Variants in TDRP observed in about 807,000 individuals in gnomAD.
TDRP encodes the protein testis development related protein.
TDRP carries 12 observed loss-of-function variants against 10.5 expected under a neutral mutation model. That is an observed-to-expected ratio of 1.15 (90% CI 0.73 to 1.86). The LOEUF (loss-of-function observed/expected upper bound fraction) is 1.86. Ranked by LOEUF, TDRP falls within the 40% of genes most tolerant of loss-of-function variation. The pLI is 0.00. For missense variants in TDRP, 353 were observed against 229.2 expected (o/e 1.54, Z -3.49); for synonymous variants, 139 against 95.4 (o/e 1.46, Z -2.67).
rs570878692 is a variant in TDRP, at chr8:524,772, G to C, written c.108+19878C>G. On this transcript the variant is annotated intron_variant, in intron 1 of 2. Coordinates refer to ENST00000324079, the MANE Select transcript of TDRP (RefSeq NM_001384899.1). The stretch of plus-strand genomic sequence containing the variant: ...AAATACACAGTCAGAGGAGACATGA[G>C]ACAAAAGAATAAAAAACAATGAGGC... Among the ~76,000 whole-genome samples, 3 of 152,268 alleles carry C rather than the reference G, an allele frequency of 2.0e-5. No individual in the cohort carries two copies. In the South Asian group the frequency reaches 6.2e-4, roughly 32 times the overall value.
intron 1 of TDRP, among the ~76,000 whole-genome samples, chr8:507,408 G>A (rs368480357): frequency 1.3e-5 from 2 of 152,098 alleles, no homozygotes. Context: ...TATCAAGCAG[G>A]GACCTCAAAC....
At chr8:529,908 G>C (rs1386600602) in intron 1 of TDRP, among the ~76,000 whole-genome samples, 2 of 152,000 alleles carry the variant, frequency 1.3e-5, no homozygotes, top group Non-Finnish European at 2.9e-5. Flanking sequence ...CTTGAATCTG[G>C]ATGTCCATTT....
rs150593941 is a variant in TDRP at position 535,924 on chromosome 8, T to A, written c.108+8726A>T. Among the ~76,000 whole-genome samples, 60 of 152,090 alleles carry A rather than the reference T, an allele frequency of 3.9e-4. 1 individual carries two copies. Among genetic ancestry groups the A allele is most frequent in the Middle Eastern group, 6.9e-3 (2 of 290 alleles). ...AGCTGGGCTCCACATTCAGTGACGT[T>A]CAGTTTTCAAGACAGTGACTGACTC... On this transcript the variant is annotated intron_variant, in intron 1 of 2. Transcript: ENST00000324079.
At chr8:545,767 G>T (rs933088173), upstream of TDRP, 1 of 151,952 alleles carries the variant, frequency 6.6e-6, no homozygotes, top group Non-Finnish European at 1.5e-5. Flanking sequence ...GGGCGCCGCG[G>T]GCTCGGCCCG....
At chr8:520,810 T>C (rs1029046955) in intron 1 of TDRP, among the ~76,000 whole-genome samples, 3 of 152,226 alleles carry the variant, frequency 2.0e-5, no homozygotes, top group Non-Finnish European at 2.9e-5. Flanking sequence ...TGTTTGGTCA[T>C]AGGAGTTCTT....
chr8:529,677 C>G (rs994482705), intron 1 of TDRP, among the ~76,000 whole-genome samples: 1 of 152,174 alleles, frequency 6.6e-6, no homozygotes, highest in Non-Finnish European at 1.5e-5. Flanking sequence ...TTTAACAACA[C>G]TTGAACTGTA....
intron 1 of TDRP, among the ~76,000 whole-genome samples, chr8:507,583 G>A (rs550223459): frequency 3.3e-5 from 5 of 152,298 alleles, no homozygotes; most frequent in African/African-American, 9.6e-5. Context: ...CATCATCCCA[G>A]GTAAGAGGGG....
chr8:490,023 C>T lies in TDRP; in HGVS notation c.*2376G>A, dbSNP rs1353736202. ...CCCTTCTCTGAAGCACATCACTTTCCTATTAAAAAATAAAAAAAGTACAGT... is the reference window on the plus strand; with the variant it reads ...CCCTTCTCTGAAGCACATCACTTTCTTATTAAAAAATAAAAAAAGTACAGT... On this transcript the variant is annotated 3_prime_UTR_variant, in exon 3 of 3. Coordinates refer to ENST00000324079, the MANE Select transcript of TDRP (RefSeq NM_001384899.1). 1 of 152,114 alleles carries T rather than the reference C, an allele frequency of 6.6e-6. No homozygotes were observed. Among genetic ancestry groups the T allele is most frequent in the Non-Finnish European group, 1.5e-5 (1 of 68,024 alleles). The allele number at this position is 152,114 out of a possible 1,614,324, so 9.4% of individuals were successfully genotyped here. A position where few individuals can be genotyped will look rare whatever the true frequency, so the allele number is the denominator to read the frequency against.
At chr8:496,390 C>T (rs1801136786) in intron 1 of TDRP, among the ~76,000 whole-genome samples, 1 of 152,208 alleles carries the variant, frequency 6.6e-6, no homozygotes. Flanking sequence ...CATGTGCAGT[C>T]ACTATGTGCC....
At position 541,590 on chromosome 8, in the gene TDRP, C is replaced by T. The variant is rs536230361; in HGVS notation, c.108+3060G>A. On this transcript the variant is annotated intron_variant, in intron 1 of 2. Transcript: ENST00000324079. The stretch of plus-strand genomic sequence containing the variant: ...AATCAAACCACCTAATTAAAAAATG[C>T]GGAGAAAGATCTAAACAGACACCTC... 2.6e-5 allele frequency among the ~76,000 whole-genome samples: 4 copies of T among 152,042 alleles called. No homozygotes were observed. The South Asian group carries it at 6.2e-4, about 24-fold the overall frequency.
At chr8:536,237 G>C (rs888939159) in intron 1 of TDRP, among the ~76,000 whole-genome samples, 35 of 152,166 alleles carry the variant, frequency 2.3e-4, no homozygotes, top group Admixed American at 2.3e-3. Flanking sequence ...CTAGCTAATT[G>C]CTTGAGGAAT....
Position 544,652 on chromosome 8 carries a change from G to A in TDRP, c.106C>T (p.Gln36Ter). ...TCCCCACCTGCGCACCCCCTCACCT[G>A]CGCCTGGGCGGCGGCGGCGGCGGCC... ...PPAAAAAAQA[Q>*]VQGASFRGWK... The change falls in exon 1 of 3, where the codon CAG becomes TAG. Residue 36 changes from glutamine (Q) to a stop codon, truncating the protein, a stop_gained and splice_region_variant. Coordinates refer to ENST00000324079, the MANE Select transcript of TDRP (RefSeq NM_001384899.1). LOFTEE classifies it high-confidence loss of function. 3.3e-6 allele frequency: 4 copies of A among 1,225,128 alleles called. No homozygotes were observed. The highest frequency in any genetic ancestry group is 4.1e-6 in the Non-Finnish European group (4 of 983,072). 75.9% of individuals were successfully genotyped at this position (1,225,128 alleles called of 1,614,324 possible). A position where few individuals can be genotyped will look rare whatever the true frequency, so the allele number is the denominator to read the frequency against.
At chr8:501,112 G>T (rs1801284558) in intron 1 of TDRP, among the ~76,000 whole-genome samples, 1 of 151,914 alleles carries the variant, frequency 6.6e-6, no homozygotes, top group African/African-American at 2.4e-5. Context: ...GGCTGAGGCA[G>T]GAGAATGGCG....
chr8:502,188 G>T (rs1801323013), intron 1 of TDRP, among the ~76,000 whole-genome samples: 1 of 152,226 alleles, frequency 6.6e-6, no homozygotes, highest in African/African-American at 2.4e-5. Context: ...GAACAGCTTA[G>T]TCTTCTTTCA....
chr8:516,080 CTGAA>C (rs1357670561), intron 1 of TDRP, among the ~76,000 whole-genome samples: 1 of 152,112 alleles, frequency 6.6e-6, no homozygotes, highest in African/African-American at 2.4e-5. Flanking sequence ...ACCTGAATGC[CTGAA>C]TGGATGGCTG....
intron 1 of TDRP, among the ~76,000 whole-genome samples, chr8:522,934 G>C (rs182891711): frequency 4.5e-4 from 69 of 152,236 alleles, no homozygotes; most frequent in African/African-American, 1.2e-3. Context: ...TGAGTATCTT[G>C]TAGGTGGCAT....
At chr8:516,740 G>C (rs115196810) in intron 1 of TDRP, among the ~76,000 whole-genome samples, 1 of 152,088 alleles carries the variant, frequency 6.6e-6, no homozygotes, top group Non-Finnish European at 1.5e-5. Context: ...CGGCAATCAC[G>C]GTTCTATTTA....
At chr8:511,864 G>A (rs575497654) in intron 1 of TDRP, among the ~76,000 whole-genome samples, 2 of 152,194 alleles carry the variant, frequency 1.3e-5, no homozygotes, top group South Asian at 4.1e-4. Context: ...GAAAATACTT[G>A]TAAACAAAGT....
At chr8:501,845 G>A (rs111938014) in intron 1 of TDRP, among the ~76,000 whole-genome samples, 8 of 152,318 alleles carry the variant, frequency 5.3e-5, no homozygotes, top group African/African-American at 1.9e-4. Context: ...GCAGTCATGG[G>A]CCCAGAAATA....
Sources: gnomAD v4.1 joint callset for allele counts (sites outside exome capture counted in the v4.1 genomes callset) on GRCh38, gnomAD v4.1.1 for gene constraint, MANE v1.5 for transcripts, NCBI Gene and HGNC (gene_info 2026-07-23, HGNC 2026-07-21) for gene names.